Variants in CPA3 observed in about 807,000 individuals in gnomAD.
CPA3 encodes the protein carboxypeptidase A3, also known as mast cell carboxypeptidase A.
Under a neutral mutation model 55.8 loss-of-function variants are expected in CPA3, and 52 were observed. The ratio of observed to expected loss-of-function variants is 0.93; its 90% CI spans 0.75 to 1.17. The LOEUF (loss-of-function observed/expected upper bound fraction) is 1.17. CPA3 is among the 50% of genes most tolerant of loss of function. The pLI is 0.00. For synonymous variants in CPA3, 179 were observed against 171.2 expected (o/e 1.05, Z -0.36); for missense variants, 547 against 509.1 (o/e 1.07, Z -0.72).
At chr3:148,874,142 GT>G (rs755534592) in intron 3 of CPA3, among the ~76,000 whole-genome samples, 27 of 152,152 alleles carry the variant, frequency 1.8e-4, no homozygotes, top group Non-Finnish European at 2.6e-4. Context: ...CCGTTCTGAT[GT>G]TCTCATGCAG....
intron 3 of CPA3, among the ~76,000 whole-genome samples, chr3:148,874,253 G>A (rs545773842): frequency 1.3e-5 from 2 of 152,136 alleles, no homozygotes; most frequent in Admixed American, 1.3e-4. Flanking sequence ...GAGCTAAATT[G>A]ATATGTGTAA....
At position 148,894,999 on chromosome 3, in the gene CPA3, A is replaced by G. The variant is rs74854883; in HGVS notation, c.1067-1521A>G. The stretch of plus-strand genomic sequence containing the variant: ...CATCAATCATTTTTATGAAATCCCA[A>G]TGTTTCTTATGTAGAATCCCTCAGT... On this transcript the variant is annotated intron_variant, in intron 10 of 10. Coordinates refer to ENST00000296046, the MANE Select transcript of CPA3 (RefSeq NM_001870.4). Among the ~76,000 whole-genome samples, 169 of 152,234 alleles carry G rather than the reference A, an allele frequency of 1.1e-3. 4 individuals carry two copies. In the East Asian group the frequency reaches 0.019, roughly 17 times the overall value.
chr3:148,888,460 T>G (rs1714589283), intron 10 of CPA3, among the ~76,000 whole-genome samples: 1 of 152,230 alleles, frequency 6.6e-6, no homozygotes, highest in African/African-American at 2.4e-5. Flanking sequence ...TGGGGACTCA[T>G]TACACATACA....
At chr3:148,874,323 A>C (rs1714155367) in intron 3 of CPA3, among the ~76,000 whole-genome samples, 1 of 152,218 alleles carries the variant, frequency 6.6e-6, no homozygotes, top group Non-Finnish European at 1.5e-5. Flanking sequence ...CTTATGTTAC[A>C]AATCAACCTC....
intron 10 of CPA3, among the ~76,000 whole-genome samples, chr3:148,893,888 A>T (rs1015526416): frequency 6.6e-6 from 1 of 152,246 alleles, no homozygotes; most frequent in Non-Finnish European, 1.5e-5. Context: ...GAATGAAAAC[A>T]CCTATCAACC....
chr3:148,892,391 G>T (rs577464580), intron 10 of CPA3, among the ~76,000 whole-genome samples: 21 of 152,260 alleles, frequency 1.4e-4, no homozygotes, highest in Admixed American at 3.9e-4. Flanking sequence ...GGTGGCTCAT[G>T]CCTGTAATCT....
intron 9 of CPA3, among the ~76,000 whole-genome samples, 162 bp from the exon 10 acceptor site, chr3:148,885,930 CA>C (rs1165554175): frequency 6.6e-6 from 1 of 152,110 alleles, no homozygotes. Flanking sequence ...TAGTACTGTC[CA>C]TCTCATAGGG....
At chr3:148,884,219 A>C (rs550229201) in intron 9 of CPA3, among the ~76,000 whole-genome samples, 2 of 152,276 alleles carry the variant, frequency 1.3e-5, no homozygotes, top group Non-Finnish European at 2.9e-5. Flanking sequence ...GATACATTGT[A>C]TTTTTATCCT....
At chr3:148,876,439 C>T (rs973555660) in intron 3 of CPA3, among the ~76,000 whole-genome samples, 9 of 151,108 alleles carry the variant, frequency 6.0e-5, no homozygotes, top group African/African-American at 2.2e-4. Context: ...TGCAGTGGCA[C>T]AATCTCAGCT....
chr3:148,879,964 T>C (rs1050084539), intron 6 of CPA3, 75 bp downstream of exon 6: 6 of 1,001,122 alleles, frequency 6.0e-6, no homozygotes, highest in Non-Finnish European at 7.9e-6. Context: ...GCGACATCTT[T>C]CCAAACACGC....
At chr3:148,882,473 T>C in intron 7 of CPA3, 32 bp from the exon 8 acceptor site, 1 of 1,574,904 alleles carries the variant, frequency 6.3e-7, no homozygotes, top group Non-Finnish European at 8.7e-7. Flanking sequence ...AAACTGATCT[T>C]GTGTAAACAC....
chr3:148,881,905 G>T (rs1714377651), intron 7 of CPA3, among the ~76,000 whole-genome samples: 1 of 152,032 alleles, frequency 6.6e-6, no homozygotes, highest in South Asian at 2.1e-4. Context: ...ATATGATATG[G>T]CATATCTAGC....
At chr3:148,880,313 G>A (rs1714325272) in intron 6 of CPA3, among the ~76,000 whole-genome samples, 1 of 149,808 alleles carries the variant, frequency 6.7e-6, no homozygotes, top group African/African-American at 2.5e-5. Flanking sequence ...TCCTTTCTGA[G>A]TGAAAAATAA....
At chr3:148,891,430 T>C (rs1216283360) in intron 10 of CPA3, among the ~76,000 whole-genome samples, 1 of 151,350 alleles carries the variant, frequency 6.6e-6, no homozygotes, top group Non-Finnish European at 1.5e-5. Context: ...CAGTGAGCCA[T>C]GATCATGCCA....
intron 8 of CPA3, among the ~76,000 whole-genome samples, chr3:148,883,304 G>A (rs1263708109): frequency 6.6e-6 from 1 of 152,170 alleles, no homozygotes; most frequent in Admixed American, 6.5e-5. Context: ...AGCTGGGGTT[G>A]AATTAGAACT....
intron 3 of CPA3, among the ~76,000 whole-genome samples, chr3:148,876,923 C>T (rs2108032570): frequency 6.6e-6 from 1 of 152,296 alleles, no homozygotes; most frequent in African/African-American, 2.4e-5. Flanking sequence ...ATTCCCAACT[C>T]CATCTCATAC....
chr3:148,885,862 G>C (rs1245387690), intron 9 of CPA3, among the ~76,000 whole-genome samples: 1 of 151,726 alleles, frequency 6.6e-6, no homozygotes, highest in Non-Finnish European at 1.5e-5. Context: ...TATGGGCTTT[G>C]GTTTTGTTAA....
chr3:148,873,399 A>ACACC (rs771393818), intron 3 of CPA3, among the ~76,000 whole-genome samples: 9 of 151,410 alleles, frequency 5.9e-5, no homozygotes, highest in Non-Finnish European at 1.2e-4. Context: ...ACACACACAC[A>ACACC]CCCCAGAGCC....
At chr3:148,869,231 T>C (rs534554522) in intron 3 of CPA3, among the ~76,000 whole-genome samples, 192 bp downstream of exon 3, 1 of 152,264 alleles carries the variant, frequency 6.6e-6, no homozygotes, top group African/African-American at 2.4e-5. Flanking sequence ...AGAATCAAAC[T>C]TGGCAGTTCA....
Sources: allele counts gnomAD v4.1 joint callset (sites outside exome capture counted in the v4.1 genomes callset), GRCh38; gene constraint gnomAD v4.1.1; transcripts MANE v1.5; gene names NCBI Gene and HGNC (gene_info 2026-07-23, HGNC 2026-07-21).